Variants in SLC10A3 observed in about 807,000 individuals in gnomAD.
SLC10A3 encodes solute carrier family 10 member 3.
SLC10A3 carries 1 observed loss-of-function variant against 1.9 expected under a neutral mutation model. The observed-to-expected ratio is 0.52, with a 90% CI of 0.19 to 2.48. SLC10A3 has a LOEUF of 2.48. Ranked by LOEUF, SLC10A3 falls within the 30% of genes most tolerant of loss-of-function variation. The pLI is 0.25. For synonymous variants in SLC10A3, 202 were observed against 189.3 expected (o/e 1.07, Z -0.55); for missense variants, 317 against 398.5 (o/e 0.80, Z 1.74).
intron 1 of SLC10A3, chrX:154,489,557 C>A (rs958206612): frequency 1.3e-6 from 1 of 753,018 alleles, no homozygotes; most frequent in Admixed American, 8.7e-5. Flanking sequence ...CCCATGCCCA[C>A]ATGCGCCCCT....
At position 154,487,693 on chromosome X, in the gene SLC10A3, C is replaced by T. The variant is rs781794691; in HGVS notation, c.1248G>A (p.Thr416=). 8 of 1,208,636 alleles carry T rather than the reference C, an allele frequency of 6.6e-6. No homozygotes were observed. The highest frequency in any genetic ancestry group is 1.7e-5 in the African/African-American group (1 of 57,420). ...CLKLPVAQRR[T]VSIEVGVQNS... is the part of the protein sequence containing the mutation. ...TCTGCACCCCTACCTCAATGCTGAC[C>T]GTCCGCCGCTGGGCCACTGGCAGCT... The change falls in exon 2 of 2, where the codon ACG becomes ACA. Residue 416 remains threonine (T), a synonymous_variant. Transcript: ENST00000651600.
At chrX:154,490,230 G>A (rs1188908784) in intron 1 of SLC10A3, 77 bp downstream of exon 1, 1 of 888,306 alleles carries the variant, frequency 1.1e-6, no homozygotes, top group Non-Finnish European at 1.4e-6. Context: ...CCACAAGGCA[G>A]GGGAGGGAGT....
rs782192879 is a variant in SLC10A3, at chrX:154,487,557, C to T, written c.1384G>A (p.Ala462Thr). Residue 462 changes from alanine to threonine, a missense_variant, in exon 2 of 2, where the codon GCC (alanine) becomes ACC (threonine). Coordinates refer to ENST00000651600, the MANE Select transcript of SLC10A3 (RefSeq NM_019848.5). ...TAGATGAAGTGGCCAATGACCAAGG[C>T]CAGCATCTCGGAGGTGCCGCTCAGC... The part of the protein sequence containing the change: ...VALSGTSEML[A>T]LVIGHFIYSS... The T allele has an allele frequency of 4.1e-6, 5 of 1,209,380 alleles. No individual in the cohort carries two copies. The African/African-American group carries it at 7.0e-5, about 17-fold the overall frequency.
At position 154,490,467 on chromosome X, in the gene SLC10A3, C is replaced by T. The variant is rs782291182; in HGVS notation, c.-303G>A. 1.0e-4 allele frequency: 59 copies of T among 563,776 alleles called. No individual in the cohort carries two copies. The highest frequency in any genetic ancestry group is 2.6e-4 in the Admixed American group (3 of 11,352). 46.5% of individuals were successfully genotyped at this position (563,776 alleles called of 1,213,427 possible). ...TACGCCATTCCTGGGCCCCGCGGCC[C>T]CGCCAGGCCTCGCAAACGCGCGGCG... is the stretch of plus-strand genomic sequence containing the variant. On this transcript the variant is annotated 5_prime_UTR_variant, in exon 1 of 2. Coordinates refer to ENST00000651600, the MANE Select transcript of SLC10A3 (RefSeq NM_019848.5).
Position 154,490,298 on chromosome X carries a change from C to T in SLC10A3, c.-143+9G>A, listed in dbSNP as rs1408523994. 3 of 798,627 alleles carry T rather than the reference C, an allele frequency of 3.8e-6. No homozygotes were observed. The African/African-American group carries it at 6.7e-5, about 18-fold the overall frequency. The allele number at this position is 798,627 out of a possible 1,213,427, so 65.8% of individuals were successfully genotyped here. ...GTAACTGGCAGTGCTAACAGGGGCT[C>T]CTCCCTACCTGGGAGTCCGGAAGTT... On this transcript the variant is annotated intron_variant, in intron 1 of 1. Coordinates refer to ENST00000651600, the MANE Select transcript of SLC10A3 (RefSeq NM_019848.5).
rs781835625 is a variant in SLC10A3, at chrX:154,488,443, G to A, written c.498C>T (p.Phe166=). The A allele has an allele frequency of 1.7e-6, 2 of 1,210,796 alleles. No individual in the cohort carries two copies. Among genetic ancestry groups the A allele is most frequent in the Admixed American group, 4.3e-5 (2 of 46,087 alleles). ...CTTCAGCAGGTGAGACCTTGATGCA[G>A]AAGTCTCTCCGCTCCTCAATCAGTG... ...PPTLIEERRD[F]CIKVSPAEDT... Residue 166 remains phenylalanine (F), a synonymous_variant, in exon 2 of 2, where the codon TTC becomes TTT. Transcript: ENST00000651600.
chrX:154,488,378 G>A lies in SLC10A3; in HGVS notation c.563C>T (p.Ser188Leu). Reference sequence around the variant, plus strand: ...GAGCAGGTAGAGGATTGGGTTTTCCGAGAAGTGGGCCAGGTCGGCGCTGAG... The same window carrying A: ...GAGCAGGTAGAGGATTGGGTTTTCCAAGAAGTGGGCCAGGTCGGCGCTGAG... Reference protein sequence around the residue: ...ATLSADLAHFSENPILYLLLP... With the variant: ...ATLSADLAHFLENPILYLLLP... Residue 188 changes from serine (S) to leucine (L), a missense_variant, in exon 2 of 2, where the codon TCG becomes TTG. Transcript: ENST00000651600. 3 of 1,211,722 alleles carry A rather than the reference G, an allele frequency of 2.5e-6. No individual in the cohort carries two copies. The highest frequency in any genetic ancestry group is 1.1e-6 in the Non-Finnish European group (1 of 895,547).
At position 154,487,633 on chromosome X, in the gene SLC10A3, G is replaced by A; in HGVS notation, c.1308C>T (p.Ser436=). 8.3e-7 allele frequency: 1 copy of A among 1,210,621 alleles called. No homozygotes were observed. Among genetic ancestry groups the A allele is most frequent in the Non-Finnish European group, 1.1e-6 (1 of 895,111 alleles). Residue 436 remains serine, a synonymous_variant, in exon 2 of 2, where the codon TCC becomes TCT. Coordinates refer to ENST00000651600, the MANE Select transcript of SLC10A3 (RefSeq NM_019848.5). ...SLLALAMLQL[S]LRRLQADYAS... is the part of the protein sequence containing the mutation. ...CATAGTCAGCTTGAAGGCGGCGGAGGGATAGCTGCAGCATGGCCAAGGCCA... is the reference window on the plus strand; with the variant it reads ...CATAGTCAGCTTGAAGGCGGCGGAGAGATAGCTGCAGCATGGCCAAGGCCA...
At chrX:154,489,561 C>T (rs1557214200) in intron 1 of SLC10A3, 4 of 752,887 alleles carry the variant, frequency 5.3e-6, no homozygotes, top group South Asian at 6.8e-5. Flanking sequence ...TGCCCACATG[C>T]GCCCCTACCA....
At chrX:154,489,217 G>C (rs1557214131) in intron 1 of SLC10A3, 135 bp from the exon 2 acceptor site, 9 of 1,117,887 alleles carry the variant, frequency 8.1e-6, no homozygotes, top group African/African-American at 1.8e-5. Flanking sequence ...GAAGCCCACT[G>C]CTAAGAGTAA....
At position 154,490,449 on chromosome X, in the gene SLC10A3, T is replaced by C; in HGVS notation, c.-285A>G. On this transcript the variant is annotated 5_prime_UTR_variant, in exon 1 of 2. It removes an upstream start codon present in the reference 5' UTR. Transcript: ENST00000651600. ...GAGTCTGGGGGGGCCCCTTACGCCA[T>C]TCCTGGGCCCCGCGGCCCCGCCAGG... 1.6e-6 allele frequency: 1 copy of C among 620,657 alleles called. No individual in the cohort carries two copies. Among genetic ancestry groups the C allele is most frequent in the Non-Finnish European group, 1.9e-6 (1 of 517,658 alleles). 51.1% of individuals were successfully genotyped at this position (620,657 alleles called of 1,213,427 possible).
rs782288346 is a variant in SLC10A3 at position 154,487,726 on chromosome X, C to T, written c.1215G>A (p.Thr405=). 16 of 1,209,613 alleles carry T rather than the reference C, an allele frequency of 1.3e-5. No individual in the cohort carries two copies. The Admixed American group carries it at 2.0e-4, about 15-fold the overall frequency. Reference sequence around the variant, plus strand: ...GCTGGGCCACTGGCAGCTTCAGACACGTGGCTAGGCAGTAGCCCACCAACA... The same window carrying T: ...GCTGGGCCACTGGCAGCTTCAGACATGTGGCTAGGCAGTAGCCCACCAACA... ...VGLLVGYCLA[T]CLKLPVAQRR... is the part of the protein sequence containing the mutation. Residue 405 remains threonine (T), a synonymous_variant, in exon 2 of 2, where the codon ACG becomes ACA. Transcript: ENST00000651600.
rs1270057901 is a variant in SLC10A3 at position 154,488,849 on chromosome X, G to C, written c.92C>G (p.Ala31Gly). 1 of 1,209,387 alleles carries C rather than the reference G, an allele frequency of 8.3e-7. No homozygotes were observed. Among genetic ancestry groups the C allele is most frequent in the East Asian group, 3.0e-5 (1 of 33,805 alleles). Reference sequence around the variant, plus strand: ...TGGCAGGCTGATGAGCAGCAGGGCAGCTCTGAGCATGCTTAAGGGACCTGT... The same window carrying C: ...TGGCAGGCTGATGAGCAGCAGGGCACCTCTGAGCATGCTTAAGGGACCTGT... ...GGTGPLSMLR[A>G]ALLLISLPWG... The change falls in exon 2 of 2, where the codon GCT (alanine) becomes GGT (glycine). Residue 31 changes from alanine (A) to glycine (G), a missense_variant. Ala to Gly is a moderately conservative substitution (Grantham distance 60, BLOSUM62 0). Transcript: ENST00000651600.
chrX:154,489,971 T>TA, intron 1 of SLC10A3: 1 of 1,074,059 alleles, frequency 9.3e-7, no homozygotes, highest in Non-Finnish European at 1.2e-6. Flanking sequence ...CCATGTGTCT[T>TA]ACCTCTGAAG....
At position 154,488,894 on chromosome X, in the gene SLC10A3, A is replaced by G; in HGVS notation, c.47T>C (p.Leu16Pro). 1 of 1,210,425 alleles carries G rather than the reference A, an allele frequency of 8.3e-7. No individual in the cohort carries two copies. The highest frequency in any genetic ancestry group is 1.1e-6 in the Non-Finnish European group (1 of 895,156). ...ACCTGTGCCACCACCCTCGCCCCCC[A>G]GACCAGGCCACTGCTGAGAGCTGCC... ...DKGSSQQWPGLGGEGGGTGPL... is the reference protein window; with the variant it reads ...DKGSSQQWPGPGGEGGGTGPL... The change falls in exon 2 of 2, where the codon CTG becomes CCG. Residue 16 changes from leucine to proline, a missense_variant. By Grantham distance (98) the Leu-to-Pro change is moderately conservative. Transcript: ENST00000651600.
rs1322055881 is a variant in SLC10A3 at position 154,489,075 on chromosome X, G to A, written c.-135C>T. 2 of 1,163,158 alleles carry A rather than the reference G, an allele frequency of 1.7e-6. No individual in the cohort carries two copies. The highest frequency in any genetic ancestry group is 3.6e-5 in the African/African-American group (2 of 55,781). On this transcript the variant is annotated 5_prime_UTR_variant, in exon 2 of 2. Coordinates refer to ENST00000651600, the MANE Select transcript of SLC10A3 (RefSeq NM_019848.5). ...CCTGTGCTGTCTTCCTTGATGGCAG[G>A]GCTGTCCCTGAGGAGGTAAGGGACA...
intron 1 of SLC10A3, 88 bp from the exon 2 acceptor site, chrX:154,489,170 A>AG: frequency 1.7e-6 from 2 of 1,151,016 alleles, no homozygotes. Context: ...ACCTCTGAAG[A>AG]GGGAGGCAGT....
In SLC10A3 at chrX:154,487,984, G is replaced by C; in HGVS notation, c.957C>G (p.Pro319=). 8.3e-7 allele frequency: 1 copy of C among 1,211,632 alleles called. No individual in the cohort carries two copies. The highest frequency in any genetic ancestry group is 1.1e-6 in the Non-Finnish European group (1 of 895,503). The stretch of plus-strand genomic sequence containing the variant: ...GCAGGGTCCCCAGGATCTTGGAGAT[G>C]GGCACGTGGAGCGTCTCATGGATGC... ...LLSIHETLHV[P]ISKILGTLLF... Residue 319 remains proline, a synonymous_variant, in exon 2 of 2, where the codon CCC becomes CCG. Transcript: ENST00000651600.
chrX:154,487,447 T>C lies in SLC10A3; in HGVS notation c.*60A>G. 7.6e-6 allele frequency: 9 copies of C among 1,186,217 alleles called. No individual in the cohort carries two copies. Among genetic ancestry groups the C allele is most frequent in the Non-Finnish European group, 1.0e-5 (9 of 878,469 alleles). On this transcript the variant is annotated 3_prime_UTR_variant, in exon 2 of 2. Transcript: ENST00000651600. Reference sequence around the variant, plus strand: ...AGCCTGGATTTTTCTGAGTGCATAGTGCATGAGAACTTTGGTGGAGTGTGG... The same window carrying C: ...AGCCTGGATTTTTCTGAGTGCATAGCGCATGAGAACTTTGGTGGAGTGTGG...
Sources: allele counts gnomAD v4.1 joint callset, GRCh38; gene constraint gnomAD v4.1.1; transcripts MANE v1.5; gene names NCBI Gene and HGNC (gene_info 2026-07-23, HGNC 2026-07-21).